Variants in CRISPLD2 observed in about 807,000 individuals in gnomAD.
CRISPLD2 encodes the protein cysteine-rich secretory protein LCCL domain-containing 2.
A neutral mutation model predicts 71.1 loss-of-function variants in CRISPLD2; 47 were observed. That is an observed-to-expected ratio of 0.66 (90% CI 0.52 to 0.84). CRISPLD2 has a LOEUF of 0.84. CRISPLD2 is among the 40% of genes least tolerant of loss of function. CRISPLD2 has a pLI of 0.00. For synonymous variants in CRISPLD2, 317 were observed against 250.1 expected (o/e 1.27, Z -2.52); for missense variants, 830 against 651.1 (o/e 1.27, Z -2.99).
In CRISPLD2 at chr16:84,873,878, A is replaced by G. The variant is rs541015040; in HGVS notation, c.1113-42A>G. ...CACTTTTAGAAGCAATTCTATTTGC[A>G]TTTACCTAATGCCCGTTTTTTTTTT... On this transcript the variant is annotated intron_variant, in intron 10 of 14. Coordinates refer to ENST00000262424, the MANE Select transcript of CRISPLD2 (RefSeq NM_031476.4). 1.8e-5 allele frequency: 28 copies of G among 1,534,762 alleles called. No homozygotes were observed. The East Asian group carries it at 2.9e-4, about 16-fold the overall frequency.
chr16:84,877,743 G>A (rs1238952031), intron 12 of CRISPLD2, among the ~76,000 whole-genome samples: 1 of 152,094 alleles, frequency 6.6e-6, no homozygotes, highest in Non-Finnish European at 1.5e-5. Flanking sequence ...CCAGCTACTT[G>A]GGAAGCTGAG....
rs1258712923 is a variant in CRISPLD2 at position 84,906,907 on chromosome 16, G to A, written c.*265G>A. 1 of 551,004 alleles carries A rather than the reference G, an allele frequency of 1.8e-6. No individual in the cohort carries two copies. The highest frequency in any genetic ancestry group is 3.2e-5 in the East Asian group (1 of 31,210). The allele number at this position is 551,004 out of a possible 1,614,324, so 34.1% of individuals were successfully genotyped here. ...CCATCTGGACGTCCTCTCTCCTTTA[G>A]AGATCTGAGCTGTCTCTTAAAGGGG... On this transcript the variant is annotated 3_prime_UTR_variant, in exon 15 of 15. Transcript: ENST00000262424.
intron 6 of CRISPLD2, among the ~76,000 whole-genome samples, chr16:84,857,644 T>A (rs1441752702): frequency 6.6e-6 from 1 of 152,244 alleles, no homozygotes; most frequent in Non-Finnish European, 1.5e-5. Flanking sequence ...AAAGGGGCTG[T>A]ACTGCCGCAG....
At chr16:84,853,527 TC>T (rs1917147245) in intron 5 of CRISPLD2, among the ~76,000 whole-genome samples, 1 of 152,078 alleles carries the variant, frequency 6.6e-6, no homozygotes, top group Admixed American at 6.5e-5. Flanking sequence ...CCACTGTCCC[TC>T]CCCTGCCCAC....
At chr16:84,892,820 A>C (rs2071674225) in intron 14 of CRISPLD2, among the ~76,000 whole-genome samples, 1 of 151,832 alleles carries the variant, frequency 6.6e-6, no homozygotes, top group Non-Finnish European at 1.5e-5. Context: ...TACTAAAAAT[A>C]CAGAAATTAG....
At chr16:84,837,734 C>T (rs1442822429) in intron 1 of CRISPLD2, among the ~76,000 whole-genome samples, 1 of 152,144 alleles carries the variant, frequency 6.6e-6, no homozygotes, top group Non-Finnish European at 1.5e-5. Context: ...GGTTTCTTAT[C>T]TGTAAAATGG....
At chr16:84,827,262 C>G (rs1916375433) in intron 1 of CRISPLD2, among the ~76,000 whole-genome samples, 1 of 152,146 alleles carries the variant, frequency 6.6e-6, no homozygotes, top group African/African-American at 2.4e-5. Context: ...GTTGGTTGAG[C>G]ACCGTGTCTG....
At chr16:84,826,914 T>C (rs1203402377) in intron 1 of CRISPLD2, among the ~76,000 whole-genome samples, 1 of 152,188 alleles carries the variant, frequency 6.6e-6, no homozygotes, top group African/African-American at 2.4e-5. Context: ...TGGTGTGCTC[T>C]CTCCTTGGAC....
chr16:84,860,322 T>C (rs924073512), intron 6 of CRISPLD2, among the ~76,000 whole-genome samples: 4 of 152,220 alleles, frequency 2.6e-5, no homozygotes, highest in African/African-American at 9.7e-5. Context: ...CCTACACCCT[T>C]AATATCCATT....
chr16:84,845,413 C>T (rs182249287), intron 2 of CRISPLD2, among the ~76,000 whole-genome samples: 2 of 152,324 alleles, frequency 1.3e-5, no homozygotes, highest in Admixed American at 1.3e-4. Flanking sequence ...GTCATCGGGA[C>T]AGGCTTCCAG....
intron 4 of CRISPLD2, among the ~76,000 whole-genome samples, chr16:84,850,130 G>A (rs569535085): frequency 8.8e-4 from 129 of 146,448 alleles, no homozygotes; most frequent in Non-Finnish European, 1.6e-3. Flanking sequence ...TCCCTCTGTC[G>A]CCCAGGCTGG....
At chr16:84,881,507 G>C (rs940864673) in intron 13 of CRISPLD2, among the ~76,000 whole-genome samples, 1 of 152,220 alleles carries the variant, frequency 6.6e-6, no homozygotes, top group African/African-American at 2.4e-5. Context: ...GCTGCCAGCA[G>C]GCTGTGTGAT....
intron 14 of CRISPLD2, among the ~76,000 whole-genome samples, chr16:84,893,286 A>C (rs1355241473): frequency 6.6e-6 from 1 of 152,216 alleles, no homozygotes; most frequent in African/African-American, 2.4e-5. Flanking sequence ...GGCTCACAGT[A>C]AGCATGACAT....
intron 1 of CRISPLD2, among the ~76,000 whole-genome samples, chr16:84,825,530 C>CA (rs1471802396): frequency 3.9e-5 from 6 of 152,040 alleles, no homozygotes; most frequent in African/African-American, 1.4e-4. Context: ...CCAAGGTGGG[C>CA]AGATCACTTG....
At chr16:84,892,000 C>T (rs2071667120) in intron 14 of CRISPLD2, among the ~76,000 whole-genome samples, 1 of 152,354 alleles carries the variant, frequency 6.6e-6, no homozygotes, top group South Asian at 2.1e-4. Flanking sequence ...AGAGTTAAGA[C>T]TTTGCTTTTC....
chr16:84,833,921 G>T (rs1337351154), intron 1 of CRISPLD2, among the ~76,000 whole-genome samples: 1 of 152,180 alleles, frequency 6.6e-6, no homozygotes, highest in African/African-American at 2.4e-5. Flanking sequence ...GCAAGATTCG[G>T]TTGTTTGGTT....
At chr16:84,828,268 G>T (rs988900368) in intron 1 of CRISPLD2, 3 of 152,232 alleles carry the variant, frequency 2.0e-5, no homozygotes, top group Non-Finnish European at 4.4e-5. Flanking sequence ...AGAAGGGAAA[G>T]AAACATCATT....
chr16:84,848,679 G>A (rs1363887981), intron 3 of CRISPLD2, among the ~76,000 whole-genome samples: 1 of 152,200 alleles, frequency 6.6e-6, no homozygotes, highest in Non-Finnish European at 1.5e-5. Flanking sequence ...GACCTCAGGT[G>A]ATCCTACCGC....
chr16:84,873,382 C>A, intron 10 of CRISPLD2: 1 of 244,482 alleles, frequency 4.1e-6, no homozygotes, highest in Admixed American at 5.6e-5. Context: ...CAGGAGGCTA[C>A]GGCAGAAGAA....
Sources: allele counts gnomAD v4.1 joint callset (sites outside exome capture counted in the v4.1 genomes callset), GRCh38; gene constraint gnomAD v4.1.1; transcripts MANE v1.5; gene names NCBI Gene and HGNC (gene_info 2026-07-23, HGNC 2026-07-21).